Variants in OTUD5 observed in about 807,000 individuals in gnomAD.
OTUD5 encodes the protein OTU deubiquitinase 5.
A neutral mutation model predicts 36.3 loss-of-function variants in OTUD5; 2 were observed. That is an observed-to-expected ratio of 0.06 (90% CI 0.02 to 0.17). The LOEUF is 0.17. Ranked by LOEUF, OTUD5 falls within the 10% of genes least tolerant of loss-of-function variation. The probability of loss-of-function intolerance (pLI) is 1.00; values close to 1 mark genes in which losing one functional copy is unlikely to be tolerated. For synonymous variants in OTUD5, 234 were observed against 214.9 expected, an observed-to-expected ratio of 1.09 and a Z score of -0.78; for missense variants, 233 against 512.3, an observed-to-expected ratio of 0.45 and a Z score of 5.26.
chrX:48,946,404 C>T (rs1470427490), intron 1 of OTUD5, among the ~76,000 whole-genome samples: 1 of 111,423 alleles, frequency 9.0e-6, no homozygotes, highest in African/African-American at 3.3e-5. Flanking sequence ...AGAGATTATG[C>T]ACAACTGAGA....
chrX:48,927,421 C>G (rs919551926), intron 5 of OTUD5, among the ~76,000 whole-genome samples: 1 of 111,827 alleles, frequency 8.9e-6, no homozygotes, highest in African/African-American at 3.3e-5. Context: ...GAACACCAGT[C>G]GAAAGTCTGG....
chrX:48,934,926 C>T lies in OTUD5; in HGVS notation c.753+28G>A, dbSNP rs180863268. The T allele has an allele frequency of 1.3e-5, 16 of 1,205,510 alleles. No individual in the cohort carries two copies. The Admixed American group carries it at 3.5e-4, about 26-fold the overall frequency. Reference sequence around the variant, plus strand: ...GGAGAAGAAATCCTCCCACCCTGCCCCTTCCCCAAAGGCCTCCATTTTCTC... The same window carrying T: ...GGAGAAGAAATCCTCCCACCCTGCCTCTTCCCCAAAGGCCTCCATTTTCTC... On this transcript the variant is annotated intron_variant, in intron 3 of 8. Coordinates refer to ENST00000376488, the MANE Select transcript of OTUD5 (RefSeq NM_001136157.2).
chrX:48,932,443 G>T (rs1374113851), intron 5 of OTUD5, among the ~76,000 whole-genome samples: 1 of 109,913 alleles, frequency 9.1e-6, no homozygotes, highest in Non-Finnish European at 1.9e-5. Flanking sequence ...TCCTGCCTCG[G>T]CCTCCCAAGT....
At chrX:48,936,669 C>G (rs2063834906) in intron 2 of OTUD5, among the ~76,000 whole-genome samples, 1 of 112,115 alleles carries the variant, frequency 8.9e-6, no homozygotes, top group African/African-American at 3.2e-5. Context: ...GGGCAGTTCA[C>G]ACCAAAGTCC....
chrX:48,922,779 C>T lies in OTUD5; in HGVS notation c.*395G>A. 1 of 768,352 alleles carries T rather than the reference C, an allele frequency of 1.3e-6. No individual in the cohort carries two copies. Among genetic ancestry groups the T allele is most frequent in the Non-Finnish European group, 1.5e-6 (1 of 648,642 alleles). 63.3% of individuals were successfully genotyped at this position (768,352 alleles called of 1,213,427 possible). On this transcript the variant is annotated 3_prime_UTR_variant, in exon 9 of 9. Coordinates refer to ENST00000376488, the MANE Select transcript of OTUD5 (RefSeq NM_001136157.2). ...TCGGGGGGTGGCGGCAAGTTTTTCTCATCTTGGAAGGAATGAGGGGCAGGG... is the reference window on the plus strand; with the variant it reads ...TCGGGGGGTGGCGGCAAGTTTTTCTTATCTTGGAAGGAATGAGGGGCAGGG...
At chrX:48,941,567 C>A (rs1281057687) in intron 2 of OTUD5, among the ~76,000 whole-genome samples, 1 of 109,994 alleles carries the variant, frequency 9.1e-6, no homozygotes, top group Admixed American at 9.7e-5. Flanking sequence ...ATCTTTTCAC[C>A]TGTCTCATGG....
chrX:48,945,961 A>C (rs782478298), intron 1 of OTUD5, among the ~76,000 whole-genome samples: 2 of 111,360 alleles, frequency 1.8e-5, no homozygotes, highest in Non-Finnish European at 3.8e-5. Flanking sequence ...GGCTACCAGA[A>C]GCAGCCAGCC....
intron 5 of OTUD5, among the ~76,000 whole-genome samples, chrX:48,933,455 G>A (rs782218223): frequency 2.9e-5 from 3 of 102,607 alleles, no homozygotes; most frequent in African/African-American, 7.3e-5. Flanking sequence ...TCATTCTGTC[G>A]CCCAAGCTGG....
chrX:48,923,826 C>T (rs961418097), intron 7 of OTUD5, 25 bp downstream of exon 7: 3 of 1,208,147 alleles, frequency 2.5e-6, no homozygotes, highest in Non-Finnish European at 3.4e-6. Flanking sequence ...ACTCCCAGCA[C>T]ATTCCCTGTG....
intron 1 of OTUD5, among the ~76,000 whole-genome samples, chrX:48,951,399 A>G (rs376272535): frequency 1.6e-4 from 18 of 110,976 alleles, no homozygotes; most frequent in African/African-American, 4.9e-4. Context: ...CGGATCACGA[A>G]GTCAGGAGAT....
chrX:48,926,048 A>G lies in OTUD5; in HGVS notation c.1062T>C (p.Phe354=), dbSNP rs201776104. The change falls in exon 6 of 9, where the codon TTT becomes TTC. Residue 354 remains phenylalanine, a splice_region_variant and synonymous_variant. Coordinates refer to ENST00000376488, the MANE Select transcript of OTUD5 (RefSeq NM_001136157.2). ...GLGLPSFKPG[F]AEQSLMKNAI... ...CATTCTTCATCAGAGACTGCTCTGCAAACTGCAAGGAGGGAGAGGAACAGG... is the reference window on the plus strand; with the variant it reads ...CATTCTTCATCAGAGACTGCTCTGCGAACTGCAAGGAGGGAGAGGAACAGG... 3.7e-5 allele frequency: 44 copies of G among 1,200,630 alleles called. No homozygotes were observed. In the East Asian group the frequency reaches 1.3e-3, roughly 36 times the overall value.
intron 1 of OTUD5, among the ~76,000 whole-genome samples, chrX:48,954,948 G>A (rs2064210731): frequency 8.9e-6 from 1 of 111,783 alleles, no homozygotes; most frequent in South Asian, 3.7e-4. Flanking sequence ...ATATGACCCT[G>A]AAGAGCATCC....
chrX:48,957,640 G>A (rs2064276589), upstream of OTUD5: 7 of 796,670 alleles, frequency 8.8e-6, no homozygotes, highest in East Asian at 1.1e-4. Flanking sequence ...GGATGAGGGG[G>A]CTAGTGTAGT....
In OTUD5 at chrX:48,957,321, C is replaced by A. The variant is rs781846795; in HGVS notation, c.250G>T (p.Ala84Ser). 18 of 1,132,633 alleles carry A rather than the reference C, an allele frequency of 1.6e-5. No individual in the cohort carries two copies. In the South Asian group the frequency reaches 3.2e-4, roughly 20 times the overall value. The allele number at this position is 1,132,633 out of a possible 1,213,427, so 93.3% of individuals were successfully genotyped here. Residue 84 changes from alanine to serine, a missense_variant, in exon 1 of 9, where the codon GCC (alanine) becomes TCC (serine). Around this residue, in one of 3 missense-constraint regions of OTUD5, gnomAD observed 155 missense variants for 217.2 expected, o/e 0.71. Transcript: ENST00000376488. Reference protein sequence around the residue: ...PPGALHRWALAVPPGAVAGPR... With the variant: ...PPGALHRWALSVPPGAVAGPR... ...CCCGCCACTGCACCAGGCGGCACGG[C>A]CAGCGCCCAGCGATGAAGAGCGCCC...
intron 2 of OTUD5, among the ~76,000 whole-genome samples, chrX:48,938,059 A>C (rs1182539595): frequency 8.9e-6 from 1 of 112,260 alleles, no homozygotes; most frequent in Non-Finnish European, 1.9e-5. Flanking sequence ...TACAGGCTTC[A>C]TAAAACAGGG....
rs372757553 is a variant in OTUD5 at position 48,956,983 on chromosome X, G to C, written c.588C>G (p.Val196=). 21 of 1,173,845 alleles carry C rather than the reference G, an allele frequency of 1.8e-5. No individual in the cohort carries two copies. The highest frequency in any genetic ancestry group is 2.4e-5 in the Non-Finnish European group (21 of 876,529). Residue 196 remains valine, a synonymous_variant, in exon 1 of 9, where the codon GTC becomes GTG. Transcript: ENST00000376488. ...CTCACCCCACAGCTCTTACCTGCTC[G>C]ACAGTGGCAGGGTCCATAGCCTCGA... The part of the protein sequence containing the change: ...ARIEAMDPAT[V]EQQEHWFEKA...
chrX:48,937,034 G>A (rs1557050121), intron 2 of OTUD5, among the ~76,000 whole-genome samples: 1 of 111,796 alleles, frequency 8.9e-6, no homozygotes. Flanking sequence ...AGAAAATAGG[G>A]CCCATGTTTG....
chrX:48,942,283 A>ACACACACAC (rs2063944075), intron 2 of OTUD5, among the ~76,000 whole-genome samples: 1 of 90,183 alleles, frequency 1.1e-5, no homozygotes, highest in Non-Finnish European at 2.2e-5. Context: ...ACACACACAG[A>ACACACACAC]GAACAGCTAG....
chrX:48,931,360 C>A (rs1301099376), intron 5 of OTUD5, among the ~76,000 whole-genome samples: 3 of 112,280 alleles, frequency 2.7e-5, no homozygotes, highest in Admixed American at 9.4e-5. Context: ...GAGAAAAAGT[C>A]CAAAAGAGAC....
Sources: gnomAD v4.1 joint callset for allele counts (sites outside exome capture counted in the v4.1 genomes callset) on GRCh38, gnomAD v4.1.1 for gene constraint, gnomAD v4.1.1 regional missense constraint, MANE v1.5 for transcripts, NCBI Gene and HGNC (gene_info 2026-07-23, HGNC 2026-07-21) for gene names.